The following NUMB variants were observed in gnomAD, a reference collection of about 807,000 sequenced individuals.
The protein encoded by NUMB is protein numb homolog.
In NUMB, 29 loss-of-function variants were observed where a neutral mutation model predicts 59.7. That is an observed-to-expected ratio of 0.49 (90% confidence interval 0.36 to 0.66). NUMB has a LOEUF of 0.66. Ranked by LOEUF, NUMB falls within the 30% of genes least tolerant of loss-of-function variation. The probability of loss-of-function intolerance (pLI) is 0.00; values close to 1 mark genes in which losing one functional copy is unlikely to be tolerated. For missense variants in NUMB, 723 were observed against 822.0 expected, an observed-to-expected ratio of 0.88 and a Z score of 1.47; for synonymous variants, 288 against 288.2, an observed-to-expected ratio of 1.00 and a Z score of 0.01.
intron 1 of NUMB, among the ~76,000 whole-genome samples, chr14:73,424,307 A>G (rs1157675337): frequency 6.6e-6 from 1 of 152,224 alleles, no homozygotes; most frequent in Non-Finnish European, 1.5e-5. Flanking sequence ...CTGGGTCAGA[A>G]TCCTAATATG....
chr14:73,427,053 G>A (rs1897614121), intron 1 of NUMB, among the ~76,000 whole-genome samples: 1 of 152,144 alleles, frequency 6.6e-6, no homozygotes, highest in South Asian at 2.1e-4. Flanking sequence ...ACAAGACAGA[G>A]TCTGCCAGAG....
chr14:73,288,810 G>A (rs1889192458), intron 8 of NUMB, among the ~76,000 whole-genome samples: 1 of 151,798 alleles, frequency 6.6e-6, no homozygotes, highest in Admixed American at 6.6e-5. Flanking sequence ...AGTAAGCCAC[G>A]ATCGTGCCAT....
At chr14:73,380,441 T>C (rs764848788) in intron 2 of NUMB, among the ~76,000 whole-genome samples, 6 of 152,178 alleles carry the variant, frequency 3.9e-5, no homozygotes, top group Non-Finnish European at 7.4e-5. Flanking sequence ...ATGACTGAGA[T>C]AGTTACATGT....
intron 1 of NUMB, among the ~76,000 whole-genome samples, chr14:73,440,268 TC>T (rs1882951314): frequency 6.6e-6 from 1 of 150,764 alleles, no homozygotes; most frequent in African/African-American, 2.4e-5. Context: ...TCTATAGATA[TC>T]CATATATATA....
At chr14:73,362,273 C>T (rs566403847) in intron 3 of NUMB, among the ~76,000 whole-genome samples, 15 of 151,682 alleles carry the variant, frequency 9.9e-5, no homozygotes, top group Non-Finnish European at 2.2e-4. Context: ...AAAATGCTAC[C>T]AAAATTGTTT....
chr14:73,457,734 C>T (rs1382689876), intron 1 of NUMB: 1 of 152,490 alleles, frequency 6.6e-6, no homozygotes, highest in Non-Finnish European at 1.5e-5. Context: ...CCCAGCTCAG[C>T]TATGGGGGCG....
At chr14:73,395,608 G>A (rs930168800) in intron 2 of NUMB, among the ~76,000 whole-genome samples, 4 of 152,012 alleles carry the variant, frequency 2.6e-5, no homozygotes, top group Admixed American at 1.3e-4. Flanking sequence ...GTGGCAGAGC[G>A]AGACTCTGTC....
At chr14:73,445,350 G>T in intron 1 of NUMB, among the ~76,000 whole-genome samples, 1 of 58,736 alleles carries the variant, frequency 1.7e-5, no homozygotes, top group African/African-American at 6.8e-5. Flanking sequence ...GTGAGACCCT[G>T]TCTCAAAAAA....
Position 73,367,279 on chromosome 14 carries a change from C to CTATATATATA in NUMB, c.-100-308_-100-299dup, listed in dbSNP as rs748523624. Among the ~76,000 whole-genome samples, 474 of 122,440 alleles carry CTATATATATA rather than the reference C, an allele frequency of 3.9e-3. 4 individuals are homozygous for CTATATATATA. Among genetic ancestry groups the CTATATATATA allele is most frequent in the African/African-American group, 0.017 (444 of 25,388 alleles). The allele number at this position is 122,440 out of a possible 152,430, so 80.3% of individuals were successfully genotyped here. A position where few individuals can be genotyped will look rare whatever the true frequency, so the allele number is the denominator to read the frequency against. On this transcript the variant is annotated intron_variant, in intron 2 of 12. Coordinates refer to ENST00000555238, the MANE Select transcript of NUMB (RefSeq NM_001005743.2). ...ATTATTCAATCTTTGAAATAAAATA[C>CTATATATATA]TATATATATATATATATACACACAC...
intron 2 of NUMB, among the ~76,000 whole-genome samples, chr14:73,372,289 T>C (rs1178694183): frequency 2.7e-5 from 3 of 110,310 alleles, no homozygotes; most frequent in Non-Finnish European, 5.2e-5. Context: ...AAAGTTGGAA[T>C]ATATATATAT....
intron 2 of NUMB, among the ~76,000 whole-genome samples, chr14:73,395,037 T>TTATATGTGTGTGTG (rs1230785169): frequency 8.3e-6 from 1 of 119,922 alleles, no homozygotes; most frequent in African/African-American, 3.1e-5. Context: ...ATTCGTGTGT[T>TTATATGTGTGTGTG]TGTGTGTGTG....
At chr14:73,404,218 G>C (rs532860225) in intron 2 of NUMB, among the ~76,000 whole-genome samples, 14 of 151,446 alleles carry the variant, frequency 9.2e-5, no homozygotes, top group African/African-American at 3.4e-4. Flanking sequence ...CTCCAGTCTT[G>C]GTGACAAAGC....
chr14:73,447,741 T>A (rs956722040), intron 1 of NUMB, among the ~76,000 whole-genome samples: 18 of 150,464 alleles, frequency 1.2e-4, no homozygotes, highest in African/African-American at 4.4e-4. Flanking sequence ...TTTTTATAAA[T>A]GACCAGTCAT....
chr14:73,293,353 C>T (rs2139833750), intron 7 of NUMB, among the ~76,000 whole-genome samples: 1 of 150,896 alleles, frequency 6.6e-6, no homozygotes. Context: ...ACTTCAGATA[C>T]TGTATTTTTC....
At chr14:73,397,441 C>T (rs1411339681) in intron 2 of NUMB, among the ~76,000 whole-genome samples, 1 of 152,178 alleles carries the variant, frequency 6.6e-6, no homozygotes, top group Non-Finnish European at 1.5e-5. Context: ...TTGCCAAATT[C>T]ACTGATGTAG....
At chr14:73,372,313 A>ATATATATATATATATAACCTTT (rs1170444607) in intron 2 of NUMB, among the ~76,000 whole-genome samples, 65 of 98,704 alleles carry the variant, frequency 6.6e-4, no homozygotes, top group African/African-American at 2.6e-3. Flanking sequence ...TTTTATATAT[A>ATATATATATATATATAACCTTT]TATATATATA....
chr14:73,426,315 CCT>C (rs1201322073), intron 1 of NUMB, among the ~76,000 whole-genome samples: 1 of 152,170 alleles, frequency 6.6e-6, no homozygotes, highest in African/African-American at 2.4e-5. Context: ...AGTGGTAAGG[CCT>C]CTGAAGCCAG....
At chr14:73,313,803 A>ATTT (rs549089757) in intron 6 of NUMB, among the ~76,000 whole-genome samples, 73 of 147,604 alleles carry the variant, frequency 4.9e-4, no homozygotes, top group African/African-American at 1.6e-3. Flanking sequence ...AAAAAAGATG[A>ATTT]TTTTTTTTTT....
At chr14:73,382,141 T>G (rs1385969614) in intron 2 of NUMB, among the ~76,000 whole-genome samples, 1 of 152,216 alleles carries the variant, frequency 6.6e-6, no homozygotes, top group Non-Finnish European at 1.5e-5. Flanking sequence ...CAAAGTGCCT[T>G]TTTAAAATTA....
Sources: gnomAD v4.1 joint callset for allele counts (sites outside exome capture counted in the v4.1 genomes callset) on GRCh38, gnomAD v4.1.1 for gene constraint, MANE v1.5 for transcripts, NCBI Gene and HGNC (gene_info 2026-07-23, HGNC 2026-07-21) for gene names.